AMN1: variants seen among roughly 807,000 people sequenced by gnomAD.
AMN1 encodes protein AMN1 homolog.
A neutral mutation model predicts 33.0 loss-of-function variants in AMN1; 20 were observed. The observed-to-expected ratio is 0.61, with a 90% confidence interval of 0.43 to 0.88. The LOEUF (loss-of-function observed/expected upper bound fraction) is 0.88, where lower values mean the gene tolerates loss of function less well. AMN1 is among the 40% of genes least tolerant of loss of function. The probability of loss-of-function intolerance (pLI) is 0.00; values close to 1 mark genes in which losing one functional copy is unlikely to be tolerated. For missense variants in AMN1, 246 were observed against 307.4 expected, an observed-to-expected ratio of 0.80 and a Z score of 1.49; for synonymous variants, 114 against 111.9, an observed-to-expected ratio of 1.02 and a Z score of -0.12.
chr12:31,678,888 A>G lies in AMN1; in HGVS notation c.704-6511T>C, dbSNP rs189888304. On this transcript the variant is annotated intron_variant, in intron 6 of 6. Coordinates refer to ENST00000281471, the MANE Select transcript of AMN1 (RefSeq NM_001113402.2). ...TGTCATGTAGGATTAGTAATGAATG[A>G]ATGAATAATGAGGAAACAGAATAAT... is the stretch of plus-strand genomic sequence containing the variant. Among the ~76,000 whole-genome samples, 80 of 152,346 alleles carry G rather than the reference A, an allele frequency of 5.3e-4. 1 individual carries two copies. Among genetic ancestry groups the G allele is most frequent in the African/African-American group, 1.7e-3 (72 of 41,580 alleles).
intron 6 of AMN1, among the ~76,000 whole-genome samples, chr12:31,682,027 A>G (rs987761917): frequency 5.9e-5 from 9 of 152,220 alleles, no homozygotes; most frequent in Admixed American, 2.0e-4. Flanking sequence ...ATCAGGGATC[A>G]GAAAAATAAC....
intron 1 of AMN1, among the ~76,000 whole-genome samples, chr12:31,721,016 CTT>C (rs2139729463): frequency 6.6e-6 from 1 of 152,298 alleles, no homozygotes; most frequent in South Asian, 2.1e-4. Flanking sequence ...GGGAATATCT[CTT>C]GAGTCCAGGA....
Position 31,687,119 on chromosome 12 carries a change from A to C in AMN1, c.703+1888T>G, listed in dbSNP as rs898544928. ...TCGACCTCCCAGGCTTAAGTGATCCACCCACCTTAGCCTCCCACAGTGCTG... is the reference window on the plus strand; with the variant it reads ...TCGACCTCCCAGGCTTAAGTGATCCCCCCACCTTAGCCTCCCACAGTGCTG... On this transcript the variant is annotated intron_variant, in intron 6 of 6. Coordinates refer to ENST00000281471, the MANE Select transcript of AMN1 (RefSeq NM_001113402.2). The surrounding 1 kb of genome is among the most constrained non-coding windows in gnomAD (Gnocchi z 4.1). Among the ~76,000 whole-genome samples the C allele has an allele frequency of 4.0e-5, 6 of 151,688 alleles. No homozygotes were observed. Among genetic ancestry groups the C allele is most frequent in the Non-Finnish European group, 8.8e-5 (6 of 67,922 alleles).
At chr12:31,721,554 C>T (rs142906263) in intron 1 of AMN1, among the ~76,000 whole-genome samples, 1 of 152,226 alleles carries the variant, frequency 6.6e-6, no homozygotes, top group Non-Finnish European at 1.5e-5. Flanking sequence ...CCAAATGCAA[C>T]TGATGAGGTC....
At chr12:31,729,119 A>G, upstream of AMN1, 1 of 1,257,760 alleles carries the variant, frequency 8.0e-7, no homozygotes, top group African/African-American at 1.5e-5. Context: ...GTGACGTCAC[A>G]CGGATTTTTC....
chr12:31,697,697 G>A (rs375411486), intron 4 of AMN1, 43 bp downstream of exon 4: 3 of 1,562,070 alleles, frequency 1.9e-6, no homozygotes, highest in Non-Finnish European at 2.6e-6. Context: ...AATACATTTG[G>A]TAAACACATA....
chr12:31,710,464 T>C (rs750352578), intron 1 of AMN1, among the ~76,000 whole-genome samples: 1 of 152,082 alleles, frequency 6.6e-6, no homozygotes, highest in African/African-American at 2.4e-5. Context: ...TTTGGTTTCC[T>C]ACACAGTTTC....
In AMN1 at chr12:31,683,010, T is replaced by C. The variant is rs1938097640; in HGVS notation, c.703+5997A>G. Among the ~76,000 whole-genome samples the C allele has an allele frequency of 6.7e-6, 1 of 149,526 alleles. No individual in the cohort carries two copies. Among genetic ancestry groups the C allele is most frequent in the African/African-American group, 2.5e-5 (1 of 40,466 alleles). On this transcript the variant is annotated intron_variant, in intron 6 of 6. Transcript: ENST00000281471. The surrounding 1 kb of genome is among the most constrained non-coding windows in gnomAD (Gnocchi z 4.1). ...CAGTGTCTCACCTTGTCACTCAGGC[T>C]GGAGTGCAGTGGCACAATCTTGGCT...
At chr12:31,729,084 C>G, upstream of AMN1, 7 of 1,424,402 alleles carry the variant, frequency 4.9e-6, no homozygotes, top group Non-Finnish European at 6.6e-6. Context: ...CCAACTCCCG[C>G]CCACCGCGCG....
intron 6 of AMN1, among the ~76,000 whole-genome samples, chr12:31,685,452 C>T (rs1309914576): frequency 2.0e-5 from 3 of 152,188 alleles, no homozygotes; most frequent in African/African-American, 4.8e-5. Flanking sequence ...ATTCTTCCCA[C>T]ACTCTTAAAT....
At chr12:31,684,729 G>A (rs146093284) in intron 6 of AMN1, among the ~76,000 whole-genome samples, 13 of 152,154 alleles carry the variant, frequency 8.5e-5, no homozygotes, top group Admixed American at 5.2e-4. Flanking sequence ...CCTTGGCCTC[G>A]CAAAGTGCTG....
At chr12:31,690,324 A>C (rs1446528058) in intron 5 of AMN1, among the ~76,000 whole-genome samples, 1 of 152,212 alleles carries the variant, frequency 6.6e-6, no homozygotes, top group African/African-American at 2.4e-5. Flanking sequence ...TTATTTAAAG[A>C]ATTTCCACAC....
At chr12:31,722,673 C>T (rs1301996258) in intron 1 of AMN1, among the ~76,000 whole-genome samples, 1 of 152,188 alleles carries the variant, frequency 6.6e-6, no homozygotes, top group Admixed American at 6.5e-5. Flanking sequence ...AGCTTTCTTT[C>T]TCCAAACAAT....
chr12:31,687,397 A>C lies in AMN1; in HGVS notation c.703+1610T>G, dbSNP rs1478285593. ...GGATAATAGCTTAACCTACAGAATA[A>C]TTGTTTAGACTGGCTGGGCATGGTG... On this transcript the variant is annotated intron_variant, in intron 6 of 6. Transcript: ENST00000281471. The surrounding 1 kb of genome is among the most constrained non-coding windows in gnomAD (Gnocchi z 4.1). 2.0e-5 allele frequency among the ~76,000 whole-genome samples: 3 copies of C among 152,120 alleles called. No individual in the cohort carries two copies. Among genetic ancestry groups the C allele is most frequent in the Non-Finnish European group, 2.9e-5 (2 of 68,030 alleles).
chr12:31,698,589 T>C (rs1035510652), intron 3 of AMN1, among the ~76,000 whole-genome samples: 1 of 152,118 alleles, frequency 6.6e-6, no homozygotes, highest in Non-Finnish European at 1.5e-5. Flanking sequence ...TGCACATAAA[T>C]AAAAGAGTAC....
At chr12:31,686,319 C>T (rs557006730) in intron 6 of AMN1, among the ~76,000 whole-genome samples, 1 of 151,920 alleles carries the variant, frequency 6.6e-6, no homozygotes, top group African/African-American at 2.4e-5. Context: ...GTGGTGCAAG[C>T]CTGTAATCCC....
intron 3 of AMN1, among the ~76,000 whole-genome samples, chr12:31,698,691 T>C (rs1938844531): frequency 6.6e-6 from 1 of 152,106 alleles, no homozygotes; most frequent in African/African-American, 2.4e-5. Flanking sequence ...GGGAAGATGG[T>C]AAATTCATGG....
At chr12:31,700,671 T>A in intron 3 of AMN1, among the ~76,000 whole-genome samples, 1 of 152,164 alleles carries the variant, frequency 6.6e-6, no homozygotes. Flanking sequence ...TGTTTTGTTT[T>A]TTTTTTAGTT....
At chr12:31,676,547 C>T (rs1044931292) in intron 6 of AMN1, among the ~76,000 whole-genome samples, 18 of 151,382 alleles carry the variant, frequency 1.2e-4, no homozygotes, top group African/African-American at 3.9e-4. Context: ...TGGTCTCGAT[C>T]TCCTGACCTC....
Sources: gnomAD v4.1 joint callset for allele counts (sites outside exome capture counted in the v4.1 genomes callset) on GRCh38, gnomAD v4.1.1 for gene constraint, Gnocchi (gnomAD v3.1) non-coding constraint, MANE v1.5 for transcripts, NCBI Gene and HGNC (gene_info 2026-07-23, HGNC 2026-07-21) for gene names.